Variants in KLHL1 observed in about 807,000 individuals in gnomAD.
The protein encoded by KLHL1 is kelch-like protein 1.
Under a neutral mutation model 77.7 loss-of-function variants are expected in KLHL1, and 47 were observed. The ratio of observed to expected loss-of-function variants is 0.60; its 90% CI spans 0.48 to 0.77. KLHL1 has a LOEUF of 0.77. Ranked by LOEUF, KLHL1 falls within the 30% of genes least tolerant of loss-of-function variation. The pLI is 0.00. For synonymous variants in KLHL1, 360 were observed against 325.2 expected, an observed-to-expected ratio of 1.11 and a Z score of -1.15; for missense variants, 925 against 910.8, an observed-to-expected ratio of 1.02 and a Z score of -0.20.
intron 10 of KLHL1, among the ~76,000 whole-genome samples, chr13:69,703,716 T>A (rs1875503789): frequency 6.6e-6 from 1 of 151,650 alleles, no homozygotes. Context: ...ACCTTTACTA[T>A]GTTTAGATAT....
At chr13:69,873,599 T>C (rs1202791784) in intron 5 of KLHL1, among the ~76,000 whole-genome samples, 1 of 152,086 alleles carries the variant, frequency 6.6e-6, no homozygotes, top group African/African-American at 2.4e-5. Flanking sequence ...CATAAAAGTA[T>C]AAAGATTTCT....
intron 5 of KLHL1, among the ~76,000 whole-genome samples, chr13:69,879,422 C>T (rs1301518280): frequency 2.6e-5 from 4 of 152,000 alleles, no homozygotes; most frequent in African/African-American, 7.2e-5. Context: ...CATATTCTAT[C>T]TTCTCTTGGT....
intron 1 of KLHL1, among the ~76,000 whole-genome samples, chr13:70,058,076 A>C (rs527522851): frequency 1.2e-4 from 18 of 151,960 alleles, no homozygotes; most frequent in African/African-American, 4.3e-4. Flanking sequence ...AAATCAGATG[A>C]TAGAAGGAAT....
intron 7 of KLHL1, among the ~76,000 whole-genome samples, chr13:69,771,607 A>T (rs1875567229): frequency 6.6e-6 from 1 of 152,176 alleles, no homozygotes; most frequent in Admixed American, 6.6e-5. Flanking sequence ...CGCTTCTAGT[A>T]AGAAGTAGTT....
intron 1 of KLHL1, among the ~76,000 whole-genome samples, chr13:70,012,173 A>G (rs2137339678): frequency 6.6e-6 from 1 of 152,288 alleles, no homozygotes; most frequent in Admixed American, 6.5e-5. Flanking sequence ...GCCAAATCAT[A>G]TCAGGTCTCT....
intron 1 of KLHL1, among the ~76,000 whole-genome samples, chr13:70,040,764 G>A (rs1886359692): frequency 6.6e-6 from 1 of 151,992 alleles, no homozygotes; most frequent in South Asian, 2.1e-4. Flanking sequence ...TGTGATCTTT[G>A]TTTTGTTTGC....
chr13:69,992,396 AT>A (rs1252010237), intron 1 of KLHL1, among the ~76,000 whole-genome samples: 1 of 151,952 alleles, frequency 6.6e-6, no homozygotes, highest in African/African-American at 2.4e-5. Flanking sequence ...ACATAATATA[AT>A]TTGGGCTCTG....
chr13:69,796,149 G>A (rs537348310), intron 7 of KLHL1, among the ~76,000 whole-genome samples: 3 of 152,112 alleles, frequency 2.0e-5, no homozygotes, highest in South Asian at 4.2e-4. Context: ...GTATCTCAAC[G>A]GTTTAAAATT....
chr13:69,942,537 A>T (rs1883397540), intron 3 of KLHL1, among the ~76,000 whole-genome samples: 1 of 152,124 alleles, frequency 6.6e-6, no homozygotes, highest in Non-Finnish European at 1.5e-5. Flanking sequence ...TTATTAAGAA[A>T]GTCCTTTATG....
At chr13:69,850,389 A>C (rs1879638407) in intron 5 of KLHL1, among the ~76,000 whole-genome samples, 2 of 151,484 alleles carry the variant, frequency 1.3e-5, no homozygotes. Context: ...TGGCTCATTG[A>C]TAATTCCACT....
At chr13:70,054,123 C>A (rs900240569) in intron 1 of KLHL1, among the ~76,000 whole-genome samples, 1 of 152,090 alleles carries the variant, frequency 6.6e-6, no homozygotes, top group South Asian at 2.1e-4. Context: ...AGGGAAGAAA[C>A]TTCCTTGATA....
intron 1 of KLHL1, among the ~76,000 whole-genome samples, chr13:70,000,640 T>C (rs1441696716): frequency 6.6e-6 from 1 of 151,770 alleles, no homozygotes; most frequent in Non-Finnish European, 1.5e-5. Flanking sequence ...ATTAAGAATA[T>C]ATAGCTAACA....
chr13:70,057,445 T>C (rs1290592728), intron 1 of KLHL1, among the ~76,000 whole-genome samples: 2 of 125,010 alleles, frequency 1.6e-5, no homozygotes, highest in Admixed American at 9.6e-5. Flanking sequence ...TATGCCCTGA[T>C]ATCATAAATA....
At chr13:69,855,111 T>A (rs189715738) in intron 5 of KLHL1, among the ~76,000 whole-genome samples, 83 of 152,080 alleles carry the variant, frequency 5.5e-4, no homozygotes, top group Admixed American at 1.3e-3. Flanking sequence ...TATTAGAAAA[T>A]AATATGCTAA....
rs563516355 is a variant in KLHL1 at position 69,719,254 on chromosome 13, C to T, written c.2015+115G>A. 10 of 747,540 alleles carry T rather than the reference C, an allele frequency of 1.3e-5. No homozygotes were observed. In the South Asian group the frequency reaches 1.5e-4, roughly 11 times the overall value. The allele number at this position is 747,540 out of a possible 1,614,324, so 46.3% of individuals were successfully genotyped here. A position where few individuals can be genotyped will look rare whatever the true frequency, so the allele number is the denominator to read the frequency against. On this transcript the variant is annotated intron_variant, in intron 9 of 10. Transcript: ENST00000377844. ...AGAGAGAAAGGAGTTAAAAATGTAT[C>T]TCTAGGTGTTGAATTTACCCTTCCT...
chr13:70,095,123 A>G (rs1021153802), intron 1 of KLHL1, among the ~76,000 whole-genome samples: 2 of 152,108 alleles, frequency 1.3e-5, no homozygotes, highest in African/African-American at 4.8e-5. Flanking sequence ...AATACTGGGT[A>G]TTGCTTCAGT....
intron 1 of KLHL1, among the ~76,000 whole-genome samples, chr13:69,980,012 G>C (rs1025667240): frequency 6.6e-6 from 1 of 152,122 alleles, no homozygotes; most frequent in Non-Finnish European, 1.5e-5. Flanking sequence ...CTCTTGACAA[G>C]GACATCAGCG....
chr13:70,097,992 T>C (rs558883310), intron 1 of KLHL1, among the ~76,000 whole-genome samples: 1 of 151,972 alleles, frequency 6.6e-6, no homozygotes, highest in South Asian at 2.1e-4. Context: ...AATGATGCTG[T>C]ATGTAACTAT....
intron 1 of KLHL1, among the ~76,000 whole-genome samples, chr13:70,049,548 C>T (rs1250721145): frequency 2.0e-5 from 3 of 152,090 alleles, no homozygotes; most frequent in Admixed American, 2.0e-4. Context: ...ATTATTATCA[C>T]CATAAACAAG....
Sources: allele counts gnomAD v4.1 joint callset (sites outside exome capture counted in the v4.1 genomes callset), GRCh38; gene constraint gnomAD v4.1.1; transcripts MANE v1.5; gene names NCBI Gene and HGNC (gene_info 2026-07-23, HGNC 2026-07-21).